Variants in ZMAT4 observed in about 807,000 individuals in gnomAD.
The protein encoded by ZMAT4 is zinc finger matrin-type protein 4.
A neutral mutation model predicts 28.7 loss-of-function variants in ZMAT4; 17 were observed. That is an observed-to-expected ratio of 0.59 (90% confidence interval 0.41 to 0.89). The LOEUF is 0.89. ZMAT4 is among the 40% of genes least tolerant of loss of function. The probability of loss-of-function intolerance (pLI) is 0.00; values close to 1 mark genes in which losing one functional copy is unlikely to be tolerated. For missense variants in ZMAT4, 240 were observed against 283.8 expected (o/e 0.85, Z 1.11); for synonymous variants, 117 against 109.2 (o/e 1.07, Z -0.44).
At chr8:40,559,599 C>T (rs1314823725) in intron 6 of ZMAT4, among the ~76,000 whole-genome samples, 1 of 152,124 alleles carries the variant, frequency 6.6e-6, no homozygotes, top group East Asian at 1.9e-4. Context: ...TGTCAGAATG[C>T]CCATCTTGTA....
intron 4 of ZMAT4, among the ~76,000 whole-genome samples, chr8:40,683,137 G>A (rs1390856721): frequency 1.3e-5 from 2 of 152,116 alleles, no homozygotes; most frequent in Admixed American, 1.3e-4. Flanking sequence ...CTGAATGAAG[G>A]GAGCAGCTTA....
chr8:40,743,735 A>G (rs1383290757), intron 3 of ZMAT4, among the ~76,000 whole-genome samples: 14 of 152,170 alleles, frequency 9.2e-5, no homozygotes, highest in Admixed American at 2.0e-4. Flanking sequence ...TCCGGCGTGA[A>G]GCCACAGATC....
chr8:40,695,310 C>T (rs915321189), intron 4 of ZMAT4, among the ~76,000 whole-genome samples: 6 of 152,214 alleles, frequency 3.9e-5, no homozygotes, highest in African/African-American at 1.4e-4. Context: ...AAGCCAGGAG[C>T]CAGTTTAGCT....
chr8:40,720,828 A>ACTCTTT (rs1811054784), intron 3 of ZMAT4, among the ~76,000 whole-genome samples: 1 of 151,682 alleles, frequency 6.6e-6, no homozygotes, highest in Non-Finnish European at 1.5e-5. Context: ...GCCCAGCCCG[A>ACTCTTT]TAGACTCTTT....
At chr8:40,671,610 CAAGCA>C (rs1207779719) in intron 5 of ZMAT4, among the ~76,000 whole-genome samples, 5 of 152,010 alleles carry the variant, frequency 3.3e-5, no homozygotes, top group Admixed American at 2.6e-4. Context: ...AGTTTTAGAA[CAAGCA>C]AAACTAATCT....
At chr8:40,743,376 G>A (rs1393169370) in intron 3 of ZMAT4, among the ~76,000 whole-genome samples, 1 of 152,166 alleles carries the variant, frequency 6.6e-6, no homozygotes, top group Non-Finnish European at 1.5e-5. Flanking sequence ...AAGAAATCGG[G>A]AGGAGCCCCA....
rs181444350 is a variant in ZMAT4, at chr8:40,798,939, G to A, written c.102+26636C>T. 4.2e-3 allele frequency among the ~76,000 whole-genome samples: 641 copies of A among 152,288 alleles called. 7 individuals carry two copies. The highest frequency in any genetic ancestry group is 7.1e-3 in the Non-Finnish European group (484 of 68,028). On this transcript the variant is annotated intron_variant, in intron 2 of 6. Transcript: ENST00000297737. ...TTTTCAGGCCAGTCCCCTCAATTGG[G>A]ACATATTCCCAGCTGGCCTTACCTT...
At chr8:40,802,255 G>T (rs1814881072) in intron 2 of ZMAT4, among the ~76,000 whole-genome samples, 2 of 152,162 alleles carry the variant, frequency 1.3e-5, no homozygotes, top group African/African-American at 4.8e-5. Flanking sequence ...GGAAATAAAA[G>T]GTATACCTTT....
intron 1 of ZMAT4, among the ~76,000 whole-genome samples, chr8:40,861,621 A>G (rs1046155628): frequency 3.3e-5 from 5 of 152,212 alleles, no homozygotes; most frequent in African/African-American, 1.2e-4. Context: ...CTACCATCAG[A>G]GTGAACAGGC....
intron 3 of ZMAT4, among the ~76,000 whole-genome samples, chr8:40,727,378 T>C (rs1287292717): frequency 6.6e-6 from 1 of 152,198 alleles, no homozygotes. Flanking sequence ...GGCTTCTGCA[T>C]TTCAGTAGCC....
chr8:40,865,225 G>A (rs780504784), intron 1 of ZMAT4, among the ~76,000 whole-genome samples: 7 of 152,062 alleles, frequency 4.6e-5, no homozygotes, highest in Non-Finnish European at 8.8e-5. Context: ...CTCTCGCTTC[G>A]GAGTATCACA....
intron 2 of ZMAT4, among the ~76,000 whole-genome samples, chr8:40,811,647 A>G (rs1375150322): frequency 6.6e-6 from 1 of 152,216 alleles, no homozygotes; most frequent in Non-Finnish European, 1.5e-5. Context: ...AGGCAAACTA[A>G]CTACCCATCC....
At chr8:40,557,929 C>T (rs1050318316) in intron 6 of ZMAT4, among the ~76,000 whole-genome samples, 9 of 152,096 alleles carry the variant, frequency 5.9e-5, no homozygotes, top group Non-Finnish European at 1.0e-4. Flanking sequence ...GGGTTAACTG[C>T]TAGGTAGAGA....
chr8:40,881,594 G>GAAAGAAAGAAAGAAAGA (rs1257055951), intron 1 of ZMAT4, among the ~76,000 whole-genome samples: 10 of 108,512 alleles, frequency 9.2e-5, no homozygotes, highest in Non-Finnish European at 1.6e-4. Context: ...AAGAAAGAAA[G>GAAAGAAAGAAAGAAAGA]AAAGAAAAGA....
intron 1 of ZMAT4, among the ~76,000 whole-genome samples, chr8:40,829,375 C>T (rs1264499571): frequency 6.6e-6 from 1 of 152,180 alleles, no homozygotes; most frequent in East Asian, 1.9e-4. Flanking sequence ...AGGTAAGAGG[C>T]CTCCACCCGA....
At chr8:40,727,101 G>A (rs529016333) in intron 3 of ZMAT4, among the ~76,000 whole-genome samples, 2 of 152,290 alleles carry the variant, frequency 1.3e-5, no homozygotes, top group Admixed American at 6.5e-5. Context: ...AAGGGAGAGG[G>A]AATTTAGCTC....
At chr8:40,597,605 T>C (rs763515483) in intron 5 of ZMAT4, among the ~76,000 whole-genome samples, 4 of 152,190 alleles carry the variant, frequency 2.6e-5, no homozygotes, top group Non-Finnish European at 4.4e-5. Flanking sequence ...GGTAATATAT[T>C]ACATATTTTA....
intron 5 of ZMAT4, among the ~76,000 whole-genome samples, chr8:40,587,366 T>C (rs1804704245): frequency 1.3e-5 from 2 of 152,194 alleles, no homozygotes; most frequent in African/African-American, 4.8e-5. Flanking sequence ...TGTGGGTATC[T>C]ATCTTTTAAA....
At chr8:40,605,955 G>C (rs2118636813) in intron 5 of ZMAT4, among the ~76,000 whole-genome samples, 1 of 152,138 alleles carries the variant, frequency 6.6e-6, no homozygotes. Flanking sequence ...AACTGTTTTT[G>C]CTTTAAAGTC....
Sources: gnomAD v4.1 joint callset for allele counts (sites outside exome capture counted in the v4.1 genomes callset) on GRCh38, gnomAD v4.1.1 for gene constraint, MANE v1.5 for transcripts, NCBI Gene and HGNC (gene_info 2026-07-23, HGNC 2026-07-21) for gene names.